The following ZFPM1 variants were observed in gnomAD, a reference collection of about 807,000 sequenced individuals.
ZFPM1 encodes the protein zinc finger protein ZFPM1.
ZFPM1 carries 28 observed loss-of-function variants against 46.3 expected under a neutral mutation model. The ratio of observed to expected loss-of-function variants is 0.60; its 90% CI spans 0.45 to 0.83. The LOEUF (loss-of-function observed/expected upper bound fraction) is 0.83, where lower values mean the gene tolerates loss of function less well. ZFPM1 is among the 40% of genes least tolerant of loss of function. ZFPM1 has a pLI of 0.00. For synonymous variants in ZFPM1, 957 were observed against 675.9 expected, an observed-to-expected ratio of 1.42 and a Z score of -6.45; for missense variants, 1,878 against 1,432.4, an observed-to-expected ratio of 1.31 and a Z score of -5.02.
At position 88,534,531 on chromosome 16, in the gene ZFPM1, A is replaced by G. The variant is rs1424622947; in HGVS notation, c.2573A>G (p.Tyr858Cys). The G allele has an allele frequency of 3.5e-6, 5 of 1,412,256 alleles. No individual in the cohort carries two copies. Among genetic ancestry groups the G allele is most frequent in the South Asian group, 1.4e-5 (1 of 71,694 alleles). The allele number at this position is 1,412,256 out of a possible 1,614,324, so 87.5% of individuals were successfully genotyped here. Residue 858 changes from tyrosine (Y) to cysteine (C), a missense_variant, in exon 10 of 10, where the codon TAC becomes TGC. By Grantham distance (194) the Tyr-to-Cys change is radical (BLOSUM62 -2). Coordinates refer to ENST00000319555, the MANE Select transcript of ZFPM1 (RefSeq NM_153813.3). ...ALGLPAAACP[Y>C]CPPNGPVRGD... ...GGCCTGCCCGCCGCCGCCTGCCCCT[A>G]CTGCCCCCCGAACGGCCCGGTGCGC...
chr16:88,516,621 T>C (rs1392440657), intron 4 of ZFPM1: 1 of 398,584 alleles, frequency 2.5e-6, no homozygotes, highest in African/African-American at 2.1e-5. Context: ...GATTGATTTC[T>C]TCAAGATATG....
In ZFPM1 at chr16:88,532,462, AAAGGCG is replaced by A. The variant is rs1448254116; in HGVS notation, c.947-151_947-146del. 2.7e-5 allele frequency: 24 copies of A among 879,980 alleles called. 1 individual carries two copies. Among genetic ancestry groups the A allele is most frequent in the South Asian group, 2.3e-4 (13 of 56,838 alleles). The allele number at this position is 879,980 out of a possible 1,614,324, so 54.5% of individuals were successfully genotyped here. ...GGGCCCACTGCTGTCCCGAGAGACA[AAAGGCG>A]GAGGAGGAGGAGGAGGGGTTTAAAG... On this transcript the variant is annotated intron_variant, in intron 7 of 9. Coordinates refer to ENST00000319555, the MANE Select transcript of ZFPM1 (RefSeq NM_153813.3).
At chr16:88,502,039 C>G (rs1019863628) in intron 3 of ZFPM1, among the ~76,000 whole-genome samples, 1 of 148,002 alleles carries the variant, frequency 6.8e-6, no homozygotes, top group Non-Finnish European at 1.5e-5. Flanking sequence ...TCCTCCACCC[C>G]CGACGCGGCT....
chr16:88,482,015 A>G (rs1908969421), intron 1 of ZFPM1, among the ~76,000 whole-genome samples: 1 of 152,180 alleles, frequency 6.6e-6, no homozygotes, highest in African/African-American at 2.4e-5. Flanking sequence ...GAAACTGAGC[A>G]CAGAGAGTGG....
chr16:88,485,278 G>A (rs1346522956), intron 1 of ZFPM1, among the ~76,000 whole-genome samples: 1 of 152,136 alleles, frequency 6.6e-6, no homozygotes, highest in Non-Finnish European at 1.5e-5. Flanking sequence ...GCTGGGGGGA[G>A]CAGGTGGGAA....
intron 3 of ZFPM1, among the ~76,000 whole-genome samples, chr16:88,510,612 G>T (rs1416459638): frequency 1.3e-5 from 2 of 152,180 alleles, no homozygotes; most frequent in Non-Finnish European, 2.9e-5. Flanking sequence ...TGCCTGTAGT[G>T]GCGGCCCCAT....
chr16:88,506,709 G>A (rs1222755129), intron 3 of ZFPM1, among the ~76,000 whole-genome samples: 2 of 152,150 alleles, frequency 1.3e-5, no homozygotes, highest in African/African-American at 2.4e-5. Flanking sequence ...AGGCTCCTCT[G>A]CGCCTCTCCC....
At chr16:88,465,716 C>A (rs1366786478) in intron 1 of ZFPM1, among the ~76,000 whole-genome samples, 1 of 152,218 alleles carries the variant, frequency 6.6e-6, no homozygotes, top group Non-Finnish European at 1.5e-5. Flanking sequence ...CTGTCCCCAG[C>A]CATCCCTGGC....
rs117531931 is a variant in ZFPM1 at position 88,492,365 on chromosome 16, C to T, written c.268+3212C>T. ...TGAACCTGCCCCAGCCCCTCTGAACCTGGCCTGGGGCCCTGTTCTTGAGGC... is the reference window on the plus strand; with the variant it reads ...TGAACCTGCCCCAGCCCCTCTGAACTTGGCCTGGGGCCCTGTTCTTGAGGC... On this transcript the variant is annotated intron_variant, in intron 3 of 9. Coordinates refer to ENST00000319555, the MANE Select transcript of ZFPM1 (RefSeq NM_153813.3). Among the ~76,000 whole-genome samples, 81 of 152,352 alleles carry T rather than the reference C, an allele frequency of 5.3e-4. 1 individual carries two copies. In the East Asian group the frequency reaches 0.015, roughly 28 times the overall value.
Position 88,518,646 on chromosome 16 carries a change from T to A in ZFPM1, c.402+4126T>A, listed in dbSNP as rs556099169. 7.9e-3 allele frequency among the ~76,000 whole-genome samples: 1,146 copies of A among 144,678 alleles called. 13 individuals carry two copies. The highest frequency in any genetic ancestry group is 0.029 in the African/African-American group (1,095 of 38,400). The allele number at this position is 144,678 out of a possible 152,430, so 94.9% of individuals were successfully genotyped here. A position where few individuals can be genotyped will look rare whatever the true frequency, so the allele number is the denominator to read the frequency against. ...ATGGGAGGATAACCAGGTGGATGGA[T>A]GGATAGATATATGGGTGGATGGATG... is the stretch of plus-strand genomic sequence containing the variant. On this transcript the variant is annotated intron_variant, in intron 4 of 9. Transcript: ENST00000319555.
In ZFPM1 at chr16:88,533,233, G is replaced by T; in HGVS notation, c.1275G>T (p.Ser425=). ...ACCTGGGCCTGGCGCCCACCCCATC[G>T]CCAGGACTGGACAGAAAGGCCCTGG... ...SADLGLAPTP[S]PGLDRKALAE... Residue 425 remains serine, a synonymous_variant, in exon 10 of 10, where the codon TCG becomes TCT. Transcript: ENST00000319555. 6.4e-7 allele frequency: 1 copy of T among 1,561,750 alleles called. No homozygotes were observed. Among genetic ancestry groups the T allele is most frequent in the Non-Finnish European group, 8.6e-7 (1 of 1,161,332 alleles).
At chr16:88,453,953 G>A (rs971200239) in intron 1 of ZFPM1, among the ~76,000 whole-genome samples, 7 of 152,122 alleles carry the variant, frequency 4.6e-5, no homozygotes, top group South Asian at 4.1e-4. Context: ...CGGGCAGCTC[G>A]GCCCCTCGCG....
rs748997879 is a variant in ZFPM1 at position 88,534,370 on chromosome 16, G to T, written c.2412G>T (p.Pro804=). The T allele has an allele frequency of 7.0e-7, 1 of 1,436,060 alleles. No homozygotes were observed. Among genetic ancestry groups the T allele is most frequent in the Non-Finnish European group, 9.1e-7 (1 of 1,099,408 alleles). 89.0% of individuals were successfully genotyped at this position (1,436,060 alleles called of 1,614,324 possible). The part of the protein sequence containing the change: ...PIDLSKKPRR[P]LPGAPAPALA... ...ACCTGAGCAAGAAGCCGCGGCGCCC[G>T]CTCCCCGGAGCCCCGGCACCGGCGC... Residue 804 remains proline, a synonymous_variant, in exon 10 of 10, where the codon CCG becomes CCT. Coordinates refer to ENST00000319555, the MANE Select transcript of ZFPM1 (RefSeq NM_153813.3).
At chr16:88,496,689 C>A (rs948797569) in intron 3 of ZFPM1, among the ~76,000 whole-genome samples, 1 of 151,990 alleles carries the variant, frequency 6.6e-6, no homozygotes, top group African/African-American at 2.4e-5. Flanking sequence ...GGGGTGGGGA[C>A]GGGGACCCTC....
intron 3 of ZFPM1, among the ~76,000 whole-genome samples, chr16:88,502,063 C>A (rs1161560963): frequency 1.6e-5 from 2 of 127,990 alleles, no homozygotes; most frequent in African/African-American, 5.8e-5. Flanking sequence ...CCCGCCCCCC[C>A]CCATTTATTT....
chr16:88,476,756 G>A (rs1265811521), intron 1 of ZFPM1, among the ~76,000 whole-genome samples: 1 of 152,220 alleles, frequency 6.6e-6, no homozygotes, highest in East Asian at 1.9e-4. Context: ...GGCACCGAGG[G>A]AGGGACTCGA....
rs1910032803 is a variant in ZFPM1, at chr16:88,497,974, C to A, written c.268+8821C>A. Reference sequence around the variant, plus strand: ...GCCGATAGGCGACTGGCTCCCTCCCCACCCGGTGTGCGTGGGTGGGAAATC... The same window carrying A: ...GCCGATAGGCGACTGGCTCCCTCCCAACCCGGTGTGCGTGGGTGGGAAATC... On this transcript the variant is annotated intron_variant, in intron 3 of 9. Transcript: ENST00000319555. The surrounding 1 kb of genome is among the most constrained non-coding windows in gnomAD (Gnocchi z 5.4). Among the ~76,000 whole-genome samples the A allele has an allele frequency of 1.3e-5, 2 of 152,212 alleles. No homozygotes were observed. Among genetic ancestry groups the A allele is most frequent in the South Asian group, 2.1e-4 (1 of 4,832 alleles).
chr16:88,455,713 C>A (rs1043334248), intron 1 of ZFPM1, among the ~76,000 whole-genome samples: 6 of 152,160 alleles, frequency 3.9e-5, no homozygotes, highest in African/African-American at 1.4e-4. Flanking sequence ...AGATGTGCCG[C>A]GCTGATAAGG....
intron 3 of ZFPM1, among the ~76,000 whole-genome samples, chr16:88,510,046 G>A (rs957918287): frequency 6.6e-6 from 1 of 152,128 alleles, no homozygotes; most frequent in Non-Finnish European, 1.5e-5. Flanking sequence ...CCCACCTGGT[G>A]CAGCTTCTCA....
Sources: allele counts gnomAD v4.1 joint callset (sites outside exome capture counted in the v4.1 genomes callset), GRCh38; gene constraint gnomAD v4.1.1; non-coding constraint Gnocchi (gnomAD v3.1); transcripts MANE v1.5; gene names NCBI Gene and HGNC (gene_info 2026-07-23, HGNC 2026-07-21).